The following SCLT1 variants were observed in gnomAD, a reference collection of about 807,000 sequenced individuals.
SCLT1 encodes sodium channel-associated protein 1.
SCLT1 carries 78 observed loss-of-function variants against 112.8 expected under a neutral mutation model. The ratio of observed to expected loss-of-function variants is 0.69; its 90% CI spans 0.58 to 0.83. The LOEUF is 0.83. Ranked by LOEUF, SCLT1 falls within the 40% of genes least tolerant of loss-of-function variation. The pLI, the probability that SCLT1 is intolerant of heterozygous loss-of-function variation, is 0.00. For missense variants in SCLT1, 747 were observed against 770.4 expected (o/e 0.97, Z 0.36); for synonymous variants, 257 against 254.7 (o/e 1.01, Z -0.09).
chr4:129,005,894 C>T (rs371452395), intron 5 of SCLT1, among the ~76,000 whole-genome samples: 3 of 150,824 alleles, frequency 2.0e-5, no homozygotes, highest in Admixed American at 6.6e-5. Flanking sequence ...GAAATCATCA[C>T]TCTCAGTAAA....
chr4:128,917,500 G>T (rs1428481895), intron 18 of SCLT1, among the ~76,000 whole-genome samples: 2 of 152,078 alleles, frequency 1.3e-5, no homozygotes, highest in African/African-American at 4.8e-5. Context: ...TTTCCAGGAT[G>T]CTGTAATTGA....
chr4:129,023,197 A>C (rs1215964180), intron 5 of SCLT1, among the ~76,000 whole-genome samples: 1 of 152,206 alleles, frequency 6.6e-6, no homozygotes, highest in Non-Finnish European at 1.5e-5. Context: ...AAAACACAAT[A>C]AAATATAAAG....
At chr4:128,915,137 T>C (rs546645539) in intron 18 of SCLT1, among the ~76,000 whole-genome samples, 3 of 152,366 alleles carry the variant, frequency 2.0e-5, no homozygotes, top group Admixed American at 6.5e-5. Context: ...CACTATACTA[T>C]AGACTGTTAT....
chr4:129,043,427 C>T lies in SCLT1; in HGVS notation c.202G>A (p.Gly68Arg). 1.3e-6 allele frequency: 2 copies of T among 1,549,084 alleles called. No individual in the cohort carries two copies. The highest frequency in any genetic ancestry group is 1.8e-6 in the Non-Finnish European group (2 of 1,129,470). Reference protein sequence around the residue: ...PLVTEYDKHLGELNGQLKYYQ... With the variant: ...PLVTEYDKHLRELNGQLKYYQ... The stretch of plus-strand genomic sequence containing the variant: ...TATTTCAGCTGCCCATTTAGTTCTC[C>T]TAGGTGTTTATCATACTCAGTAACA... The change falls in exon 4 of 21, where the codon GGA (glycine) becomes AGA (arginine). Residue 68 changes from glycine to arginine, a missense_variant. Gly to Arg is a moderately radical substitution (Grantham distance 125). This residue lies in a region of SCLT1 where 723 missense variants were observed against 721.3 expected (regional missense o/e 1.00). Coordinates refer to ENST00000281142, the MANE Select transcript of SCLT1 (RefSeq NM_144643.4).
At chr4:128,989,301 A>G (rs1047177608) in intron 9 of SCLT1, among the ~76,000 whole-genome samples, 4 of 151,936 alleles carry the variant, frequency 2.6e-5, no homozygotes, top group Non-Finnish European at 4.4e-5. Flanking sequence ...AAAGGAATAA[A>G]ACTAAAATTC....
At chr4:128,922,417 T>C (rs1560842949) in intron 18 of SCLT1, among the ~76,000 whole-genome samples, 1 of 151,844 alleles carries the variant, frequency 6.6e-6, no homozygotes. Context: ...CCATCAATGG[T>C]AGACTGGATT....
chr4:129,032,343 ATAAAT>A (rs1241779607), intron 5 of SCLT1, among the ~76,000 whole-genome samples: 3 of 152,158 alleles, frequency 2.0e-5, no homozygotes, highest in African/African-American at 7.2e-5. Flanking sequence ...TTAACTCAAA[ATAAAT>A]TAAAGACTTA....
chr4:129,026,927 A>T (rs1317138181), intron 5 of SCLT1, among the ~76,000 whole-genome samples: 1 of 152,202 alleles, frequency 6.6e-6, no homozygotes, highest in African/African-American at 2.4e-5. Context: ...AAACACCTCT[A>T]TGCAAATAAA....
chr4:129,045,328 T>C (rs571689441), intron 2 of SCLT1, among the ~76,000 whole-genome samples: 1 of 152,126 alleles, frequency 6.6e-6, no homozygotes, highest in African/African-American at 2.4e-5. Flanking sequence ...GACTGACACA[T>C]TTTACAACAT....
chr4:128,917,044 G>A (rs527961169), intron 18 of SCLT1, among the ~76,000 whole-genome samples: 29 of 152,260 alleles, frequency 1.9e-4, no homozygotes, highest in African/African-American at 5.8e-4. Flanking sequence ...CCACTACGCC[G>A]TGGAGCCCAC....
intron 18 of SCLT1, among the ~76,000 whole-genome samples, chr4:128,911,727 A>G (rs1349053301): frequency 6.6e-6 from 1 of 152,240 alleles, no homozygotes; most frequent in Admixed American, 6.5e-5. Context: ...CACGGGGAAT[A>G]AAGCAAGTCA....
chr4:129,000,946 C>CG (rs1051328315), intron 6 of SCLT1, among the ~76,000 whole-genome samples: 3 of 148,912 alleles, frequency 2.0e-5, no homozygotes, highest in African/African-American at 7.4e-5. Flanking sequence ...TTGTCTAAAA[C>CG]TTAAAAAAAA....
rs1460665253 is a variant in SCLT1 at position 128,948,541 on chromosome 4, T to C, written c.1248A>G (p.Glu416=). The part of the protein sequence containing the change: ...MECAEKQGQI[E]RVIKEKKAVE... ...CTGCTTTTTTTTCCTTAATGACTCG[T>C]TCAATTTGGCCTTGTTTTTCAGCAC... The change falls in exon 15 of 21, where the codon GAA becomes GAG. Residue 416 remains glutamate (E), a synonymous_variant. Transcript: ENST00000281142. 6.2e-7 allele frequency: 1 copy of C among 1,608,590 alleles called. No individual in the cohort carries two copies. Among genetic ancestry groups the C allele is most frequent in the East Asian group, 2.2e-5 (1 of 44,784 alleles).
At chr4:128,997,367 A>G (rs1743099357) in intron 8 of SCLT1, 1 of 151,958 alleles carries the variant, frequency 6.6e-6, no homozygotes, top group African/African-American at 2.4e-5. Flanking sequence ...ATTCCAAGAA[A>G]GTAAAGAAAA....
chr4:128,899,292 C>T (rs1323419760), intron 18 of SCLT1, among the ~76,000 whole-genome samples: 9 of 152,132 alleles, frequency 5.9e-5, no homozygotes, highest in East Asian at 1.9e-4. Context: ...ACTGGCAAAC[C>T]GAATCCAGCA....
chr4:128,933,947 C>G (rs917833375), intron 18 of SCLT1, among the ~76,000 whole-genome samples: 1 of 151,988 alleles, frequency 6.6e-6, no homozygotes, highest in Non-Finnish European at 1.5e-5. Flanking sequence ...TTATCCCACA[C>G]AGTCTAATTA....
chr4:129,024,042 C>T (rs1309154449), intron 5 of SCLT1, among the ~76,000 whole-genome samples: 1 of 152,234 alleles, frequency 6.6e-6, no homozygotes, highest in African/African-American at 2.4e-5. Context: ...CCGGGAAGCT[C>T]GAACTGGGTG....
At chr4:129,020,020 A>G (rs1745325382) in intron 5 of SCLT1, among the ~76,000 whole-genome samples, 1 of 152,188 alleles carries the variant, frequency 6.6e-6, no homozygotes, top group Non-Finnish European at 1.5e-5. Context: ...AGCAGAGAAT[A>G]TAAAATTTTA....
intron 20 of SCLT1, among the ~76,000 whole-genome samples, chr4:128,885,051 C>T (rs568771603): frequency 6.6e-6 from 1 of 152,124 alleles, no homozygotes; most frequent in Admixed American, 6.5e-5. Flanking sequence ...CAGGGTGATA[C>T]GCTTAGAATT....
Sources: allele counts gnomAD v4.1 joint callset (sites outside exome capture counted in the v4.1 genomes callset), GRCh38; gene constraint gnomAD v4.1.1; regional missense constraint gnomAD v4.1.1; transcripts MANE v1.5; gene names NCBI Gene and HGNC (gene_info 2026-07-23, HGNC 2026-07-21).